The following GRIP1 variants were observed in gnomAD, a reference collection of about 807,000 sequenced individuals.
GRIP1 encodes glutamate receptor-interacting protein 1.
In GRIP1, 45 loss-of-function variants were observed where a neutral mutation model predicts 129.9. The observed-to-expected ratio is 0.35, with a 90% confidence interval of 0.27 to 0.44. The LOEUF is 0.44. Among genes scored for constraint, GRIP1 ranks in the 20% least tolerant of loss-of-function variants. GRIP1 has a pLI of 1.00. For missense variants in GRIP1, 1,196 were observed against 1,396.8 expected (o/e 0.86, Z 2.29); for synonymous variants, 530 against 520.8 (o/e 1.02, Z -0.24).
intron 1 of GRIP1, among the ~76,000 whole-genome samples, chr12:66,890,245 A>G (rs1250889075): frequency 2.6e-5 from 4 of 152,134 alleles, no homozygotes; most frequent in African/African-American, 9.7e-5. Flanking sequence ...GAGAACTTAA[A>G]ATGCTCGTGA....
At position 66,515,699 on chromosome 12, in the gene GRIP1, G is replaced by A. The variant is rs141923622; in HGVS notation, c.644C>T (p.Thr215Met). ...AAGAATACTCATGGCTTCAGCATGC[G>A]TAGTTCCAAGAAGCCGAATTCCATC... is the stretch of plus-strand genomic sequence containing the variant. ...SVDGIRLLGTTHAEAMSILKQ... is the reference protein window; with the variant it reads ...SVDGIRLLGTMHAEAMSILKQ... The change falls in exon 7 of 25, where the codon ACG becomes ATG. Residue 215 changes from threonine (T) to methionine (M), a missense_variant. Around this residue, in one of 5 missense-constraint regions of GRIP1, gnomAD observed 508 missense variants for 587.0 expected, o/e 0.87. Coordinates refer to ENST00000359742, the MANE Select transcript of GRIP1 (RefSeq NM_001366722.1). 6.2e-6 allele frequency: 10 copies of A among 1,613,132 alleles called. No individual in the cohort carries two copies. Among genetic ancestry groups the A allele is most frequent in the South Asian group, 3.3e-5 (3 of 91,082 alleles).
chr12:66,715,452 A>ATG (rs36142878), intron 1 of GRIP1, among the ~76,000 whole-genome samples: 2,908 of 72,916 alleles, frequency 0.04, 100 homozygotes, highest in African/African-American at 0.064. Context: ...TTGTAGCTTG[A>ATG]TGTGTGTGTG....
In GRIP1 at chr12:66,515,755, C is replaced by G. The variant is rs377676241; in HGVS notation, c.588G>C (p.Thr196=). Residue 196 remains threonine (T), a synonymous_variant, in exon 7 of 25, where the codon ACG becomes ACC. Coordinates refer to ENST00000359742, the MANE Select transcript of GRIP1 (RefSeq NM_001366722.1). The stretch of plus-strand genomic sequence containing the variant: ...TGAGCAACCTGTCACCGGGTTTGAT[C>G]GTGCCCTCTCTGAAGGGAGAATAAA... ...RPGGPADREG[T]IKPGDRLLSV... is the part of the protein sequence containing the mutation. 4 of 1,613,480 alleles carry G rather than the reference C, an allele frequency of 2.5e-6. No individual in the cohort carries two copies. Among genetic ancestry groups the G allele is most frequent in the East Asian group, 4.5e-5 (2 of 44,876 alleles).
At chr12:66,598,976 A>T (rs568060342) in intron 1 of GRIP1, among the ~76,000 whole-genome samples, 1 of 152,174 alleles carries the variant, frequency 6.6e-6, no homozygotes, top group Admixed American at 6.6e-5. Flanking sequence ...TTCTTTAGAA[A>T]TGTACCCAGT....
chr12:66,379,328 G>C lies in GRIP1; in HGVS notation c.2573C>G (p.Pro858Arg), dbSNP rs200912962. Residue 858 changes from proline to arginine, a missense_variant, in exon 20 of 25, where the codon CCA (proline) becomes CGA (arginine). Pro to Arg is a moderately radical substitution (Grantham distance 103). Coordinates refer to ENST00000359742, the MANE Select transcript of GRIP1 (RefSeq NM_001366722.1). ...PVTKPRSQTY[P>R]DVGLSYEDWD... ...GTCTTCATAACTCAGCCCCACATCT[G>C]GGTAAGTCTGGCTTCGAGGCTTAGT... 62 of 1,613,964 alleles carry C rather than the reference G, an allele frequency of 3.8e-5. No individual in the cohort carries two copies. In the African/African-American group the frequency reaches 5.3e-4, roughly 14 times the overall value.
intron 5 of GRIP1, among the ~76,000 whole-genome samples, chr12:66,522,791 G>A (rs1025773771): frequency 1.3e-4 from 20 of 152,114 alleles, no homozygotes; most frequent in African/African-American, 4.8e-4. Flanking sequence ...AAAAAAATTA[G>A]ACGAATGGAT....
chr12:66,615,035 A>C (rs1217795505), intron 1 of GRIP1, among the ~76,000 whole-genome samples: 1 of 152,130 alleles, frequency 6.6e-6, no homozygotes, highest in Non-Finnish European at 1.5e-5. Context: ...ACTTAGAACT[A>C]TCTGAAATGT....
At position 66,666,654 on chromosome 12, in the gene GRIP1, C is replaced by T. The variant is rs1048905165; in HGVS notation, c.55+12196G>A. ...TATTCTGGGATATCATTCTGCTGCA[C>T]TCTTAAATTAGATCCACAGCTTCTC... On this transcript the variant is annotated intron_variant, in intron 1 of 24. Coordinates refer to ENST00000359742, the MANE Select transcript of GRIP1 (RefSeq NM_001366722.1). Among the ~76,000 whole-genome samples, 59 of 152,208 alleles carry T rather than the reference C, an allele frequency of 3.9e-4. 1 individual carries two copies. The highest frequency in any genetic ancestry group is 1.3e-4 in the Non-Finnish European group (9 of 67,976).
intron 1 of GRIP1, 121 bp downstream of exon 1, chr12:66,678,729 G>A (rs2136271509): frequency 2.3e-6 from 2 of 885,538 alleles, no homozygotes; most frequent in South Asian, 1.4e-5. Flanking sequence ...ATTTCACTGA[G>A]TTCTTTGTTG....
chr12:66,902,462 C>T (rs1020124356), intron 1 of GRIP1, among the ~76,000 whole-genome samples: 9 of 152,118 alleles, frequency 5.9e-5, no homozygotes, highest in Non-Finnish European at 1.3e-4. Context: ...TGAACACCAC[C>T]AGCTTCAAAT....
intron 1 of GRIP1, among the ~76,000 whole-genome samples, chr12:66,781,769 G>C (rs1472886019): frequency 6.6e-6 from 1 of 152,172 alleles, no homozygotes; most frequent in African/African-American, 2.4e-5. Flanking sequence ...ATTCAAAATA[G>C]GAGGCTGCAT....
chr12:66,980,689 GA>G (rs2042231107), intron 1 of GRIP1, among the ~76,000 whole-genome samples: 1 of 152,176 alleles, frequency 6.6e-6, no homozygotes, highest in African/African-American at 2.4e-5. Context: ...TTATATAAAT[GA>G]GAAAATTGAG....
intron 2 of GRIP1, among the ~76,000 whole-genome samples, chr12:66,562,914 C>T (rs1045532763): frequency 8.6e-5 from 13 of 151,780 alleles, no homozygotes; most frequent in South Asian, 4.2e-4. Flanking sequence ...TTAAGAAAAT[C>T]ATAAGGAAGA....
At chr12:66,892,504 A>C (rs1424044841) in intron 1 of GRIP1, among the ~76,000 whole-genome samples, 1 of 152,188 alleles carries the variant, frequency 6.6e-6, no homozygotes, top group Non-Finnish European at 1.5e-5. Flanking sequence ...ATAGTACATC[A>C]CACAGCTGGC....
chr12:66,615,625 G>A (rs1202117748), intron 1 of GRIP1, among the ~76,000 whole-genome samples: 1 of 152,068 alleles, frequency 6.6e-6, no homozygotes, highest in Admixed American at 6.6e-5. Flanking sequence ...CCTAATAAAT[G>A]GCAAACTTTT....
intron 2 of GRIP1, among the ~76,000 whole-genome samples, chr12:66,548,674 A>T (rs2062025201): frequency 6.6e-6 from 1 of 152,186 alleles, no homozygotes; most frequent in South Asian, 2.1e-4. Flanking sequence ...TGTGGGAAGC[A>T]TGGAAGTGAG....
At chr12:66,702,918 C>A (rs1030200221) in intron 1 of GRIP1, among the ~76,000 whole-genome samples, 1 of 152,012 alleles carries the variant, frequency 6.6e-6, no homozygotes, top group Non-Finnish European at 1.5e-5. Context: ...AAAGAAACAC[C>A]ATGAGATAAA....
intron 1 of GRIP1, among the ~76,000 whole-genome samples, chr12:66,731,061 CA>C (rs2036422272): frequency 1.6e-5 from 2 of 128,144 alleles, no homozygotes; most frequent in Non-Finnish European, 3.6e-5. Context: ...TGGAGTCATA[CA>C]GCCCATGAAG....
At chr12:66,531,244 AAAAAAAAAATATATATATATATATAT>A (rs1233853797) in intron 4 of GRIP1, among the ~76,000 whole-genome samples, 1,280 of 56,234 alleles carry the variant, frequency 0.023, 66 homozygotes, top group African/African-American at 0.095. Context: ...TCAAAAAAAA[AAAAAAAAAATATATATATATATATAT>A]ATATATATAT....
Sources: allele counts gnomAD v4.1 joint callset (sites outside exome capture counted in the v4.1 genomes callset), GRCh38; gene constraint gnomAD v4.1.1; regional missense constraint gnomAD v4.1.1; transcripts MANE v1.5; gene names NCBI Gene and HGNC (gene_info 2026-07-23, HGNC 2026-07-21).